PDS5B: variants seen among roughly 807,000 people sequenced by gnomAD.
PDS5B encodes sister chromatid cohesion protein PDS5 homolog B.
PDS5B carries 51 observed loss-of-function variants against 184.1 expected under a neutral mutation model. The ratio of observed to expected loss-of-function variants is 0.28; its 90% CI spans 0.22 to 0.35. The LOEUF (loss-of-function observed/expected upper bound fraction) is 0.35. Among genes scored for constraint, PDS5B ranks in the 10% least tolerant of loss-of-function variants. The pLI is 1.00. For synonymous variants in PDS5B, 566 were observed against 569.2 expected, an observed-to-expected ratio of 0.99 and a Z score of 0.08; for missense variants, 1,180 against 1,723.3, an observed-to-expected ratio of 0.68 and a Z score of 5.58.
At chr13:32,679,540 G>A (rs1192252241) in intron 10 of PDS5B, among the ~76,000 whole-genome samples, 2 of 152,090 alleles carry the variant, frequency 1.3e-5, no homozygotes, top group Non-Finnish European at 2.9e-5. Context: ...GGAGGCTGAG[G>A]CAGGAGAATT....
At chr13:32,691,371 C>A (rs1323184869) in intron 13 of PDS5B, 1 of 152,008 alleles carries the variant, frequency 6.6e-6, no homozygotes, top group Non-Finnish European at 1.5e-5. Context: ...TGCACTATTT[C>A]ATTAATCCAT....
intron 23 of PDS5B, among the ~76,000 whole-genome samples, chr13:32,743,745 CT>C (rs1430986307): frequency 1.3e-5 from 2 of 151,954 alleles, no homozygotes; most frequent in Non-Finnish European, 2.9e-5. Context: ...TAAAAAAAAA[CT>C]TGGTAAGCTA....
chr13:32,759,244 A>AT (rs1954292728), intron 28 of PDS5B, among the ~76,000 whole-genome samples: 1 of 152,224 alleles, frequency 6.6e-6, no homozygotes, highest in African/African-American at 2.4e-5. Flanking sequence ...AATGCCAGTT[A>AT]AGACCTTACC....
At chr13:32,661,385 C>CAAA (rs747985772) in intron 6 of PDS5B, among the ~76,000 whole-genome samples, 8,693 of 31,932 alleles carry the variant, frequency 0.27, 2,586 homozygotes, top group Non-Finnish European at 0.4. Flanking sequence ...GACTCTGTCT[C>CAAA]AAAAAAAAAA....
chr13:32,673,391 A>G (rs936049947), intron 8 of PDS5B, 35 bp downstream of exon 8: 7 of 1,551,742 alleles, frequency 4.5e-6, no homozygotes, highest in South Asian at 2.3e-5. Flanking sequence ...CTACCAACCA[A>G]GTTATTAGCA....
At chr13:32,616,368 T>TA (rs1200004224) in intron 1 of PDS5B, among the ~76,000 whole-genome samples, 1 of 151,940 alleles carries the variant, frequency 6.6e-6, no homozygotes, top group African/African-American at 2.4e-5. Context: ...CCCGTCTCTT[T>TA]AAAATTTTTT....
chr13:32,650,883 T>G (rs961216601), intron 2 of PDS5B, among the ~76,000 whole-genome samples: 1 of 152,206 alleles, frequency 6.6e-6, no homozygotes, highest in African/African-American at 2.4e-5. Flanking sequence ...ACATTTAACA[T>G]TGATACTTTG....
At chr13:32,619,832 C>T (rs138811455) in intron 1 of PDS5B, among the ~76,000 whole-genome samples, 10 of 152,218 alleles carry the variant, frequency 6.6e-5, no homozygotes, top group African/African-American at 2.2e-4. Context: ...AAGTTTTGCT[C>T]TTGTCCTCTA....
intron 1 of PDS5B, among the ~76,000 whole-genome samples, chr13:32,642,174 T>A (rs1345934024): frequency 6.6e-6 from 1 of 152,206 alleles, no homozygotes; most frequent in African/African-American, 2.4e-5. Flanking sequence ...TTTTCTAACT[T>A]GTTTTAATTT....
chr13:32,718,092 T>TA (rs1196113445), intron 19 of PDS5B, among the ~76,000 whole-genome samples: 9 of 152,112 alleles, frequency 5.9e-5, no homozygotes. Flanking sequence ...TACAATTTAT[T>TA]ATATAAGTAG....
At chr13:32,640,663 A>G (rs1319766402) in intron 1 of PDS5B, among the ~76,000 whole-genome samples, 1 of 152,234 alleles carries the variant, frequency 6.6e-6, no homozygotes, top group Non-Finnish European at 1.5e-5. Flanking sequence ...CTTGTTTCAA[A>G]TAACCCTTTG....
chr13:32,631,477 C>A (rs1201816657), intron 1 of PDS5B, among the ~76,000 whole-genome samples: 1 of 152,170 alleles, frequency 6.6e-6, no homozygotes, highest in East Asian at 1.9e-4. Context: ...ATAAGCTATG[C>A]CACGAGAACA....
chr13:32,774,120 T>TAATA (rs1954882513), intron 34 of PDS5B, among the ~76,000 whole-genome samples: 1 of 152,146 alleles, frequency 6.6e-6, no homozygotes, highest in Admixed American at 6.5e-5. Flanking sequence ...ACTTTTAAAG[T>TAATA]AATAAATAAA....
chr13:32,631,481 G>A (rs931987636), intron 1 of PDS5B, among the ~76,000 whole-genome samples: 1 of 152,122 alleles, frequency 6.6e-6, no homozygotes, highest in African/African-American at 2.4e-5. Flanking sequence ...GCTATGCCAC[G>A]AGAACAATAA....
chr13:32,746,322 A>G (rs1437546516), intron 24 of PDS5B, among the ~76,000 whole-genome samples: 2 of 152,236 alleles, frequency 1.3e-5, no homozygotes, highest in Admixed American at 6.5e-5. Flanking sequence ...GTTTTGTTCT[A>G]TAATGTTATC....
At chr13:32,668,561 T>C (rs567842461) in intron 7 of PDS5B, among the ~76,000 whole-genome samples, 3 of 152,318 alleles carry the variant, frequency 2.0e-5, no homozygotes, top group Non-Finnish European at 2.9e-5. Flanking sequence ...TATTATATTC[T>C]GTGTGAATGG....
At chr13:32,605,613 G>A (rs2140494342) in intron 1 of PDS5B, among the ~76,000 whole-genome samples, 1 of 152,222 alleles carries the variant, frequency 6.6e-6, no homozygotes, top group Non-Finnish European at 1.5e-5. Context: ...GTTAGTTCAA[G>A]TCCTGGATAT....
chr13:32,721,657 A>G (rs529995952), intron 19 of PDS5B, among the ~76,000 whole-genome samples: 1 of 149,182 alleles, frequency 6.7e-6, no homozygotes, highest in South Asian at 2.1e-4. Context: ...GGCCGGGCAG[A>G]GGCGCTCCCC....
Position 32,755,928 on chromosome 13 carries a change from G to C in PDS5B, c.3028G>C (p.Asp1010His), listed in dbSNP as rs1346105327. The change falls in exon 26 of 35, where the codon GAT becomes CAT. Residue 1010 changes from aspartate to histidine, a missense_variant. Coordinates refer to ENST00000315596, the MANE Select transcript of PDS5B (RefSeq NM_015032.4). The stretch of plus-strand genomic sequence containing the variant: ...TGACCCAGATTATGTCAAAGTACAG[G>C]ATATTGAACAACTTAAAGATGTTAA... The part of the protein sequence containing the change: ...AHDPDYVKVQ[D>H]IEQLKDVKEC... The C allele has an allele frequency of 6.4e-7, 1 of 1,567,490 alleles. No individual in the cohort carries two copies. The highest frequency in any genetic ancestry group is 8.7e-7 in the Non-Finnish European group (1 of 1,143,910).
Sources: gnomAD v4.1 joint callset for allele counts (sites outside exome capture counted in the v4.1 genomes callset) on GRCh38, gnomAD v4.1.1 for gene constraint, MANE v1.5 for transcripts, NCBI Gene and HGNC (gene_info 2026-07-23, HGNC 2026-07-21) for gene names.